Variants in CSRNP1 observed in about 807,000 individuals in gnomAD.
CSRNP1 encodes the protein cysteine and serine rich nuclear protein 1, also known as cysteine/serine-rich nuclear protein 1.
Under a neutral mutation model 25.0 loss-of-function variants are expected in CSRNP1, and 8 were observed. The ratio of observed to expected loss-of-function variants is 0.32; its 90% CI spans 0.19 to 0.58. The LOEUF is 0.58. Among genes scored for constraint, CSRNP1 ranks in the 20% least tolerant of loss-of-function variants. The pLI is 0.88. For synonymous variants in CSRNP1, 305 were observed against 303.1 expected (o/e 1.01, Z -0.06); for missense variants, 691 against 773.1 (o/e 0.89, Z 1.26).
intron 1 of CSRNP1, chr3:39,150,310 A>G (rs1418990342): frequency 6.6e-6 from 1 of 152,260 alleles, no homozygotes; most frequent in African/African-American, 2.4e-5. Context: ...CCTCACACTG[A>G]GGGCATTTCT....
rs1218523455 is a variant in CSRNP1 at position 39,143,284 on chromosome 3, T to A, written c.1541A>T (p.Tyr514Phe). The A allele has an allele frequency of 5.0e-6, 8 of 1,614,168 alleles. No individual in the cohort carries two copies. The East Asian group carries it at 1.6e-4, about 31-fold the overall frequency. ...SFELLQALPD[Y>F]SLGPHYTSQK... ...TGATGTGTAGTGAGGCCCCAGACTA[T>A]AATCTGGCAGAGCCTGGAGTAACTC... is the stretch of plus-strand genomic sequence containing the variant. The change falls in exon 5 of 5, where the codon TAT becomes TTT. Residue 514 changes from tyrosine (Y) to phenylalanine (F), a missense_variant. Transcript: ENST00000273153.
intron 1 of CSRNP1, chr3:39,148,834 G>A (rs1045105373): frequency 2.0e-5 from 1 of 50,870 alleles, no homozygotes; most frequent in Non-Finnish European, 5.5e-5. Context: ...AGGCCACGTG[G>A]CCGTGTTAAG....
Position 39,153,475 on chromosome 3 carries a change from C to A in CSRNP1, c.-78G>T, listed in dbSNP as rs1470792917. 5.3e-5 allele frequency: 17 copies of A among 319,706 alleles called. No homozygotes were observed. Among genetic ancestry groups the A allele is most frequent in the Non-Finnish European group, 9.9e-5 (15 of 152,100 alleles). 19.8% of individuals were successfully genotyped at this position (319,706 alleles called of 1,614,324 possible). On this transcript the variant is annotated 5_prime_UTR_variant, in exon 1 of 5. Transcript: ENST00000273153. ...CGCTCGCGGAGGACAACGACGCGACCCGCGTCCCGGCCGGGGACGCCCCCT... is the reference window on the plus strand; with the variant it reads ...CGCTCGCGGAGGACAACGACGCGACACGCGTCCCGGCCGGGGACGCCCCCT...
rs1240789176 is a variant in CSRNP1, at chr3:39,142,794, T to C, written c.*261A>G. 12 of 368,760 alleles carry C rather than the reference T, an allele frequency of 3.3e-5. No homozygotes were observed. Among genetic ancestry groups the C allele is most frequent in the Non-Finnish European group, 5.4e-5 (11 of 203,856 alleles). The allele number at this position is 368,760 out of a possible 1,614,324, so 22.8% of individuals were successfully genotyped here. On this transcript the variant is annotated 3_prime_UTR_variant, in exon 5 of 5. Transcript: ENST00000273153. The stretch of plus-strand genomic sequence containing the variant: ...ATTTTCTCCTCTTCCAGGCTCACGT[T>C]GTGGAGATAGAAGAGCAAGCTGTGG...
At position 39,144,256 on chromosome 3, in the gene CSRNP1, G is replaced by A. The variant is rs200194534; in HGVS notation, c.661C>T (p.Arg221Trp). ...LRASGVRRID[R>W]EEKRELQALR... ...GCCTGCAGCTCCCGCTTCTCCTCCC[G>A]ATCGATCCTTCGCACACCTGAAGCC... The change falls in exon 4 of 5, where the codon CGG (arginine) becomes TGG (tryptophan). Residue 221 changes from arginine (R) to tryptophan (W), a missense_variant. Coordinates refer to ENST00000273153, the MANE Select transcript of CSRNP1 (RefSeq NM_033027.4). 14 of 1,614,104 alleles carry A rather than the reference G, an allele frequency of 8.7e-6. No individual in the cohort carries two copies. Among genetic ancestry groups the A allele is most frequent in the East Asian group, 6.7e-5 (3 of 44,864 alleles).
rs2039421586 is a variant in CSRNP1 at position 39,142,219 on chromosome 3, G to A, written c.*836C>T. 6.6e-6 allele frequency: 1 copy of A among 152,324 alleles called. No homozygotes were observed. Among genetic ancestry groups the A allele is most frequent in the Non-Finnish European group, 1.5e-5 (1 of 68,080 alleles). The allele number at this position is 152,324 out of a possible 1,614,324, so 9.4% of individuals were successfully genotyped here. ...GCCCTTTGCCCTCTCTGGGCTTCCT[G>A]TTTCCTCCTTCCCCCTCCTACATCC... On this transcript the variant is annotated 3_prime_UTR_variant, in exon 5 of 5. Transcript: ENST00000273153.
Position 39,143,200 on chromosome 3 carries a change from A to G in CSRNP1, c.1625T>C (p.Leu542Pro), listed in dbSNP as rs762414194. The G allele has an allele frequency of 1.5e-5, 24 of 1,614,110 alleles. No individual in the cohort carries two copies. Among genetic ancestry groups the G allele is most frequent in the Non-Finnish European group, 1.9e-5 (23 of 1,180,034 alleles). ...ACTGCTGGCATCCCCAGGTGGAGAC[A>G]GGCCAGGCAGGGGGAAGTGAGGTGC... The part of the protein sequence containing the change: ...IEAPHFPLPG[L>P]SPPGDASSCF... The change falls in exon 5 of 5, where the codon CTG becomes CCG. Residue 542 changes from leucine to proline, a missense_variant. Physicochemically the swap from Leu to Pro is moderately conservative, Grantham distance 98. Transcript: ENST00000273153.
At chr3:39,147,372 G>C (rs532838594) in intron 1 of CSRNP1, among the ~76,000 whole-genome samples, 1 of 152,282 alleles carries the variant, frequency 6.6e-6, no homozygotes, top group East Asian at 1.9e-4. Context: ...GCGGGCCCTT[G>C]CTCCAGGCTA....
At position 39,148,049 on chromosome 3, in the gene CSRNP1, A is replaced by G. The variant is rs1208900900; in HGVS notation, c.-40-1327T>C. The stretch of plus-strand genomic sequence containing the variant: ...CTTTGCCCTCTTCCCAGCCGCCTAC[A>G]AAGTCCCCGAATCCTGTAGAGTTTG... On this transcript the variant is annotated intron_variant, in intron 1 of 4. Coordinates refer to ENST00000273153, the MANE Select transcript of CSRNP1 (RefSeq NM_033027.4). Among the ~76,000 whole-genome samples the G allele has an allele frequency of 2.0e-5, 3 of 152,154 alleles. No individual in the cohort carries two copies. The East Asian group carries it at 5.8e-4, about 29-fold the overall frequency.
In CSRNP1 at chr3:39,153,492, AC is replaced by A. The variant is rs1428423439; in HGVS notation, c.-96del. The stretch of plus-strand genomic sequence containing the variant: ...GACGCGACCCGCGTCCCGGCCGGGG[AC>A]GCCCCCTGCGCCGCGACTCTGTGCG... On this transcript the variant is annotated 5_prime_UTR_variant, in exon 1 of 5. Transcript: ENST00000273153. 3.2e-6 allele frequency: 1 copy of A among 309,778 alleles called. No homozygotes were observed. Among genetic ancestry groups the A allele is most frequent in the African/African-American group, 2.3e-5 (1 of 43,680 alleles). 19.2% of individuals were successfully genotyped at this position (309,778 alleles called of 1,614,324 possible).
At position 39,142,304 on chromosome 3, in the gene CSRNP1, A is replaced by G. The variant is rs1173736053; in HGVS notation, c.*751T>C. The G allele has an allele frequency of 1.3e-5, 2 of 152,392 alleles. No individual in the cohort carries two copies. The highest frequency in any genetic ancestry group is 2.9e-5 in the Non-Finnish European group (2 of 68,108). 9.4% of individuals were successfully genotyped at this position (152,392 alleles called of 1,614,324 possible). ...GGGGGAAGATGGAACAGAGGGCAGGAAGTGGAGGGGGCAGGGTGGGGCAGA... is the reference window on the plus strand; with the variant it reads ...GGGGGAAGATGGAACAGAGGGCAGGGAGTGGAGGGGGCAGGGTGGGGCAGA... On this transcript the variant is annotated 3_prime_UTR_variant, in exon 5 of 5. Coordinates refer to ENST00000273153, the MANE Select transcript of CSRNP1 (RefSeq NM_033027.4).
Position 39,143,123 on chromosome 3 carries a change from C to T in CSRNP1, c.1702G>A (p.Asp568Asn), listed in dbSNP as rs780866317. The change falls in exon 5 of 5, where the codon GAT becomes AAT. Residue 568 changes from aspartate (D) to asparagine (N), a missense_variant. Transcript: ENST00000273153. ...GFSEPAAEAL[D>N]PFIDSQFEDT... is the part of the protein sequence containing the mutation. ...TCAAACTGGCTGTCAATAAAGGGATCTAGGGCTTCGGCGGCTGGCTCGGAG... is the reference window on the plus strand; with the variant it reads ...TCAAACTGGCTGTCAATAAAGGGATTTAGGGCTTCGGCGGCTGGCTCGGAG... 3 of 1,613,726 alleles carry T rather than the reference C, an allele frequency of 1.9e-6. No individual in the cohort carries two copies.
chr3:39,142,735 C>T lies in CSRNP1; in HGVS notation c.*320G>A, dbSNP rs1575574517. 12 of 248,098 alleles carry T rather than the reference C, an allele frequency of 4.8e-5. No homozygotes were observed. The South Asian group carries it at 6.5e-4, about 13-fold the overall frequency. The allele number at this position is 248,098 out of a possible 1,614,324, so 15.4% of individuals were successfully genotyped here. ...GGGCTAAGGAACATCACGCAAAGACCGAAAAGTGGTCTGCCAAGCTCCAGA... is the reference window on the plus strand; with the variant it reads ...GGGCTAAGGAACATCACGCAAAGACTGAAAAGTGGTCTGCCAAGCTCCAGA... On this transcript the variant is annotated 3_prime_UTR_variant, in exon 5 of 5. Transcript: ENST00000273153.
intron 3 of CSRNP1, 61 bp downstream of exon 3, chr3:39,144,936 C>G: frequency 6.5e-7 from 1 of 1,535,718 alleles, no homozygotes; most frequent in South Asian, 1.3e-5. Context: ...ACGCCCACCC[C>G]TCAAGGTTAG....
chr3:39,149,827 G>A (rs574974090), intron 1 of CSRNP1: 1 of 152,424 alleles, frequency 6.6e-6, no homozygotes, highest in Non-Finnish European at 1.5e-5. Flanking sequence ...CTTTCAGAAA[G>A]TCATCTTTCA....
In CSRNP1 at chr3:39,144,031, G is replaced by A; in HGVS notation, c.794C>T (p.Ala265Val). Residue 265 changes from alanine (A) to valine (V), a missense_variant, in exon 5 of 5, where the codon GCA (alanine) becomes GTA (valine). Physicochemically the swap from Ala to Val is moderately conservative, Grantham distance 64. Transcript: ENST00000273153. The part of the protein sequence containing the change: ...AGIKCQMDHT[A>V]FPCGCCREGC... Reference sequence around the variant, plus strand: ...CTCCCTGCAGCAGCCACAGGGGAATGCTGTGTGGTCCATCTGCAGAGAAAA... The same window carrying A: ...CTCCCTGCAGCAGCCACAGGGGAATACTGTGTGGTCCATCTGCAGAGAAAA... The A allele has an allele frequency of 1.9e-6, 3 of 1,611,818 alleles. No individual in the cohort carries two copies. The highest frequency in any genetic ancestry group is 2.5e-6 in the Non-Finnish European group (3 of 1,179,826).
rs375503400 is a variant in CSRNP1, at chr3:39,143,021, G to T, written c.*34C>A. On this transcript the variant is annotated 3_prime_UTR_variant, in exon 5 of 5. Coordinates refer to ENST00000273153, the MANE Select transcript of CSRNP1 (RefSeq NM_033027.4). ...CCATAATTACAAGAAAGCAGCAACAGGTCTCTTGGGGCTGGGAAAAGACAT... is the reference window on the plus strand; with the variant it reads ...CCATAATTACAAGAAAGCAGCAACATGTCTCTTGGGGCTGGGAAAAGACAT... 6.6e-7 allele frequency: 1 copy of T among 1,526,118 alleles called. No homozygotes were observed. The highest frequency in any genetic ancestry group is 8.8e-7 in the Non-Finnish European group (1 of 1,137,470). 94.5% of individuals were successfully genotyped at this position (1,526,118 alleles called of 1,614,324 possible). A position where few individuals can be genotyped will look rare whatever the true frequency, so the allele number is the denominator to read the frequency against.
Position 39,147,278 on chromosome 3 carries a change from G to A in CSRNP1, c.-40-556C>T, listed in dbSNP as rs574262538. Among the ~76,000 whole-genome samples the A allele has an allele frequency of 1.1e-3, 166 of 151,650 alleles. 2 individuals are homozygous for A. In the South Asian group the frequency reaches 0.02, roughly 18 times the overall value. ...GCCCTACAGCCCGCACAGCCCGCAC[G>A]GCCCTGGTATGGTGGCTCTGCTTCC... On this transcript the variant is annotated intron_variant, in intron 1 of 4. Transcript: ENST00000273153.
In CSRNP1 at chr3:39,143,313, G is replaced by A; in HGVS notation, c.1512C>T (p.Ser504=). The A allele has an allele frequency of 1.2e-6, 2 of 1,614,206 alleles. No individual in the cohort carries two copies. Among genetic ancestry groups the A allele is most frequent in the Non-Finnish European group, 1.7e-6 (2 of 1,180,042 alleles). The change falls in exon 5 of 5, where the codon TCC becomes TCT. Residue 504 remains serine, a synonymous_variant. Transcript: ENST00000273153. Reference sequence around the variant, plus strand: ...CTGGCAGAGCCTGGAGTAACTCAAAGGAGTCACAAGAAGACAAGCTGAGAT... The same window carrying A: ...CTGGCAGAGCCTGGAGTAACTCAAAAGAGTCACAAGAAGACAAGCTGAGAT... ...SVDLSLSSCD[S]FELLQALPDY... is the part of the protein sequence containing the mutation.
Sources: allele counts gnomAD v4.1 joint callset (sites outside exome capture counted in the v4.1 genomes callset), GRCh38; gene constraint gnomAD v4.1.1; transcripts MANE v1.5; gene names NCBI Gene and HGNC (gene_info 2026-07-23, HGNC 2026-07-21).